OR9Q1: variants seen among roughly 807,000 people sequenced by gnomAD.
OR9Q1 encodes the protein olfactory receptor family 9 subfamily Q member 1.
For synonymous variants in OR9Q1, 153 were observed against 148.6 expected (o/e 1.03, Z -0.22); for missense variants, 374 against 378.8 (o/e 0.99, Z 0.11).
At chr11:58,067,848 C>T (rs1002025553) in intron 2 of OR9Q1, among the ~76,000 whole-genome samples, 1 of 152,180 alleles carries the variant, frequency 6.6e-6, no homozygotes, top group Admixed American at 6.5e-5. Flanking sequence ...ATAAGGTGGC[C>T]CTGCAGAAAC....
At chr11:58,119,237 C>A in intron 2 of OR9Q1, 1 of 1,613,854 alleles carries the variant, frequency 6.2e-7, no homozygotes, top group Non-Finnish European at 8.5e-7. Flanking sequence ...TAACAGGCAT[C>A]CAGCAGGGAG....
intron 1 of OR9Q1, among the ~76,000 whole-genome samples, chr11:58,038,052 T>A (rs753082901): frequency 4.4e-4 from 66 of 151,544 alleles, no homozygotes; most frequent in Non-Finnish European, 8.0e-4. Context: ...ATTTTTGAGA[T>A]AAATTACATA....
chr11:58,042,878 A>G (rs1052930998), intron 1 of OR9Q1, among the ~76,000 whole-genome samples: 1 of 152,008 alleles, frequency 6.6e-6, no homozygotes, highest in Admixed American at 6.6e-5. Context: ...TGTAAGTTGG[A>G]TTCCTAGGTA....
chr11:58,116,656 C>T (rs1178921436), intron 2 of OR9Q1: 4 of 152,100 alleles, frequency 2.6e-5, no homozygotes, highest in South Asian at 2.1e-4. Flanking sequence ...TATTCTTCAC[C>T]TTGGTCAACC....
chr11:58,144,047 C>CT (rs1204144555), intron 2 of OR9Q1, among the ~76,000 whole-genome samples: 1 of 151,796 alleles, frequency 6.6e-6, no homozygotes, highest in African/African-American at 2.4e-5. Flanking sequence ...TATTATTATA[C>CT]TTTAAGTTTT....
chr11:58,143,442 A>G (rs1175916462), intron 2 of OR9Q1, among the ~76,000 whole-genome samples: 2 of 152,310 alleles, frequency 1.3e-5, no homozygotes, highest in Admixed American at 1.3e-4. Context: ...TAAGTTTTCT[A>G]ATTTGGGACC....
At chr11:58,135,308 A>G (rs1377801261) in intron 2 of OR9Q1, among the ~76,000 whole-genome samples, 2 of 152,184 alleles carry the variant, frequency 1.3e-5, no homozygotes, top group Non-Finnish European at 2.9e-5. Context: ...TTTTGAGGGA[A>G]ACAGACTGCT....
chr11:58,146,526 G>T (rs1854300395), intron 2 of OR9Q1, among the ~76,000 whole-genome samples: 1 of 152,106 alleles, frequency 6.6e-6, no homozygotes, highest in Non-Finnish European at 1.5e-5. Context: ...AGATAGATAT[G>T]GTTCCTTCAG....
chr11:58,106,176 TAATG>T (rs1853838344), intron 2 of OR9Q1, among the ~76,000 whole-genome samples: 2 of 145,238 alleles, frequency 1.4e-5, no homozygotes, highest in Admixed American at 1.4e-4. Context: ...TTTTTTTTAA[TAATG>T]GTCTTCAAAA....
chr11:58,054,012 C>T (rs1326634350), intron 1 of OR9Q1, among the ~76,000 whole-genome samples: 4 of 152,138 alleles, frequency 2.6e-5, no homozygotes, highest in Non-Finnish European at 5.9e-5. Flanking sequence ...CAAATGGTGA[C>T]TATGGGTGGT....
intron 1 of OR9Q1, chr11:58,031,645 CAT>C (rs1853040688): frequency 6.2e-7 from 1 of 1,613,788 alleles, no homozygotes; most frequent in Non-Finnish European, 8.5e-7. Flanking sequence ...CACTGCTGCA[CAT>C]CCGCTCAGCT....
At position 58,119,165 on chromosome 11, in the gene OR9Q1, A is replaced by G; in HGVS notation, c.-14-60266A>G. The G allele has an allele frequency of 1.2e-6, 2 of 1,614,070 alleles. No individual in the cohort carries two copies. Among genetic ancestry groups the G allele is most frequent in the Non-Finnish European group, 1.7e-6 (2 of 1,180,002 alleles). ...AAGAACTGGGCAGCACAGTGGCCGT[A>G]GGAGATGACCGTTTTGCCTGTGGCC... On this transcript the variant is annotated intron_variant, in intron 2 of 2. Transcript: ENST00000335397.
intron 2 of OR9Q1, among the ~76,000 whole-genome samples, chr11:58,100,317 A>G (rs959679109): frequency 9.2e-5 from 14 of 152,174 alleles, no homozygotes; most frequent in African/African-American, 3.1e-4. Context: ...CATACCCTTA[A>G]TTTATTATAG....
intron 2 of OR9Q1, among the ~76,000 whole-genome samples, chr11:58,094,257 A>G (rs1853710760): frequency 6.6e-6 from 1 of 152,158 alleles, no homozygotes; most frequent in Admixed American, 6.6e-5. Flanking sequence ...ACATAGACAT[A>G]GACTGTGGAA....
chr11:58,144,158 C>T (rs1197096452), intron 2 of OR9Q1, among the ~76,000 whole-genome samples: 3 of 150,476 alleles, frequency 2.0e-5, no homozygotes, highest in Non-Finnish European at 4.4e-5. Flanking sequence ...AGGTATATCT[C>T]CTAATGCTAT....
At chr11:58,071,664 C>T (rs1002783169) in intron 2 of OR9Q1, among the ~76,000 whole-genome samples, 1 of 152,100 alleles carries the variant, frequency 6.6e-6, no homozygotes, top group Non-Finnish European at 1.5e-5. Flanking sequence ...CTCACAACAA[C>T]ATACTACGAG....
At chr11:58,153,980 G>A (rs1028580133) in intron 2 of OR9Q1, among the ~76,000 whole-genome samples, 13 of 152,250 alleles carry the variant, frequency 8.5e-5, no homozygotes, top group South Asian at 4.1e-4. Flanking sequence ...ATAATAGAGT[G>A]TAAGGGTCAC....
At chr11:58,137,519 A>C (rs1273089333) in intron 2 of OR9Q1, among the ~76,000 whole-genome samples, 1 of 152,190 alleles carries the variant, frequency 6.6e-6, no homozygotes, top group Admixed American at 6.6e-5. Flanking sequence ...TATTTAACTT[A>C]TATTACTTTC....
intron 2 of OR9Q1, among the ~76,000 whole-genome samples, chr11:58,172,155 G>A (rs906046246): frequency 5.3e-5 from 8 of 152,092 alleles, no homozygotes; most frequent in Non-Finnish European, 1.2e-4. Flanking sequence ...GATTAAAAAT[G>A]TTATATTTTG....
Sources: gnomAD v4.1 joint callset for allele counts (sites outside exome capture counted in the v4.1 genomes callset) on GRCh38, gnomAD v4.1.1 for gene constraint, MANE v1.5 for transcripts, NCBI Gene and HGNC (gene_info 2026-07-23, HGNC 2026-07-21) for gene names.